PDE1C: variants seen among roughly 807,000 people sequenced by gnomAD.
PDE1C encodes phosphodiesterase 1C, also known as dual specificity calcium/calmodulin-dependent 3',5'-cyclic nucleotide phosphodiesterase 1C.
In PDE1C, 62 loss-of-function variants were observed where a neutral mutation model predicts 93.1. The ratio of observed to expected loss-of-function variants is 0.67; its 90% confidence interval spans 0.54 to 0.82. The LOEUF (loss-of-function observed/expected upper bound fraction) is 0.82, where lower values mean the gene tolerates loss of function less well. Ranked by LOEUF, PDE1C falls within the 40% of genes least tolerant of loss-of-function variation. The pLI, the probability that PDE1C is intolerant of heterozygous loss-of-function variation, is 0.00. For synonymous variants in PDE1C, 325 were observed against 310.1 expected (o/e 1.05, Z -0.50); for missense variants, 742 against 884.6 (o/e 0.84, Z 2.04).
intron 1 of PDE1C, among the ~76,000 whole-genome samples, chr7:32,296,436 G>T (rs951106284): frequency 6.6e-6 from 1 of 152,210 alleles, no homozygotes; most frequent in Non-Finnish European, 1.5e-5. Context: ...GTGCTAAATT[G>T]TATCTCTTAG....
chr7:31,745,608 C>A, the PDE1C span, among the ~76,000 whole-genome samples: 1 of 152,082 alleles, frequency 6.6e-6, no homozygotes, highest in South Asian at 2.1e-4. Context: ...TTATGTGGGG[C>A]CTAGGAGAAC....
chr7:32,203,529 T>G (rs759111298), intron 2 of PDE1C, among the ~76,000 whole-genome samples: 1 of 152,144 alleles, frequency 6.6e-6, no homozygotes, highest in Non-Finnish European at 1.5e-5. Context: ...GCCCCTTGCT[T>G]CACTCCCCCA....
chr7:32,220,175 A>G (rs1806741793), intron 1 of PDE1C, among the ~76,000 whole-genome samples: 1 of 152,076 alleles, frequency 6.6e-6, no homozygotes, highest in Non-Finnish European at 1.5e-5. Context: ...GACTAATACA[A>G]ACATCAAGCT....
chr7:31,861,459 C>T (rs1193684318), intron 7 of PDE1C, among the ~76,000 whole-genome samples: 1 of 151,916 alleles, frequency 6.6e-6, no homozygotes, highest in East Asian at 1.9e-4. Context: ...CTCTAGCACC[C>T]TTTTTCTTTC....
At chr7:32,284,772 C>T (rs1461063894) in intron 1 of PDE1C, among the ~76,000 whole-genome samples, 2 of 152,198 alleles carry the variant, frequency 1.3e-5, no homozygotes, top group Non-Finnish European at 2.9e-5. Flanking sequence ...GTGGCTCACG[C>T]CTGTAATCCC....
chr7:32,404,856 C>T (rs1785019890), intron 1 of PDE1C, among the ~76,000 whole-genome samples: 1 of 152,224 alleles, frequency 6.6e-6, no homozygotes, highest in South Asian at 2.1e-4. Flanking sequence ...TGGCGTTGCA[C>T]AGGCCTCCTT....
At chr7:32,172,098 T>C (rs1802691305) in intron 2 of PDE1C, among the ~76,000 whole-genome samples, 1 of 151,394 alleles carries the variant, frequency 6.6e-6, no homozygotes, top group Non-Finnish European at 1.5e-5. Flanking sequence ...TAACTATTAT[T>C]TTAAAAGTCT....
chr7:31,839,314 T>G (rs1791542003), intron 9 of PDE1C, among the ~76,000 whole-genome samples: 1 of 151,088 alleles, frequency 6.6e-6, no homozygotes, highest in Non-Finnish European at 1.5e-5. Flanking sequence ...ACACATATTA[T>G]TTTAAAATAT....
At chr7:31,711,780 T>C in the PDE1C span, among the ~76,000 whole-genome samples, 5,780 of 152,262 alleles carry the variant, frequency 0.038, 387 homozygotes, top group African/African-American at 0.13. Flanking sequence ...GAAATTAAAG[T>C]GACCCTTTTC....
At chr7:31,835,989 G>C (rs1378615066) in intron 11 of PDE1C, among the ~76,000 whole-genome samples, 1 of 152,208 alleles carries the variant, frequency 6.6e-6, no homozygotes, top group Non-Finnish European at 1.5e-5. Flanking sequence ...GCGGGACGAA[G>C]TTGTGACTTG....
At chr7:31,961,317 CAT>C (rs1397014964) in intron 2 of PDE1C, among the ~76,000 whole-genome samples, 18 of 151,720 alleles carry the variant, frequency 1.2e-4, no homozygotes, top group African/African-American at 4.1e-4. Context: ...TATTTACACA[CAT>C]ATATACATAT....
intron 1 of PDE1C, among the ~76,000 whole-genome samples, chr7:32,387,462 C>T (rs1784652539): frequency 6.6e-6 from 1 of 151,468 alleles, no homozygotes; most frequent in Non-Finnish European, 1.5e-5. Context: ...CGGGCAGAAG[C>T]GCCCCTCACC....
At chr7:32,094,073 TC>T in intron 3 of PDE1C, among the ~76,000 whole-genome samples, 1 of 152,320 alleles carries the variant, frequency 6.6e-6, no homozygotes, top group East Asian at 1.9e-4. Flanking sequence ...CTCGCAAGTG[TC>T]CCCCATGGCA....
At chr7:31,756,108 G>A (rs1465550456) in intron 17 of PDE1C, among the ~76,000 whole-genome samples, 1 of 152,092 alleles carries the variant, frequency 6.6e-6, no homozygotes, top group Non-Finnish European at 1.5e-5. Context: ...GGAGGTGGAG[G>A]TTGCAGTGAG....
chr7:32,140,901 T>G (rs917349282), intron 3 of PDE1C, among the ~76,000 whole-genome samples: 1 of 152,246 alleles, frequency 6.6e-6, no homozygotes, highest in Non-Finnish European at 1.5e-5. Context: ...AATAATTATA[T>G]GCTAAGTGGT....
chr7:32,097,977 T>C (rs1797844693), intron 3 of PDE1C, among the ~76,000 whole-genome samples: 1 of 149,534 alleles, frequency 6.7e-6, no homozygotes, highest in African/African-American at 2.6e-5. Flanking sequence ...ACGCCTGTAA[T>C]CCCAGCACTT....
intron 16 of PDE1C, chr7:31,786,290 T>G (rs1162462211): frequency 6.6e-6 from 1 of 152,166 alleles, no homozygotes; most frequent in Non-Finnish European, 1.5e-5. Context: ...CTTTTTTTTT[T>G]TTGTATTGTT....
chr7:31,895,724 G>A (rs920395959), intron 2 of PDE1C, among the ~76,000 whole-genome samples: 2 of 151,862 alleles, frequency 1.3e-5, no homozygotes, highest in Non-Finnish European at 2.9e-5. Context: ...TTGACTCATG[G>A]GGGCTGGTTT....
At chr7:31,922,512 G>A (rs1802757237) in intron 2 of PDE1C, among the ~76,000 whole-genome samples, 2 of 152,078 alleles carry the variant, frequency 1.3e-5, no homozygotes, top group African/African-American at 4.8e-5. Flanking sequence ...TTTTCTTTAA[G>A]CAGCACATTT....
Sources: gnomAD v4.1 joint callset for allele counts (sites outside exome capture counted in the v4.1 genomes callset) on GRCh38, gnomAD v4.1.1 for gene constraint, MANE v1.5 for transcripts, NCBI Gene and HGNC (gene_info 2026-07-23, HGNC 2026-07-21) for gene names.